The following SNTN variants were observed in gnomAD, a reference collection of about 807,000 sequenced individuals.
SNTN encodes sentan.
SNTN carries 13 observed loss-of-function variants against 12.3 expected under a neutral mutation model. The ratio of observed to expected loss-of-function variants is 1.05; its 90% CI spans 0.69 to 1.67. SNTN has a LOEUF of 1.67. Among genes scored for constraint, SNTN ranks in the 40% most tolerant of loss-of-function variants. The pLI is 0.00. For synonymous variants in SNTN, 69 were observed against 58.5 expected (o/e 1.18, Z -0.82); for missense variants, 189 against 169.8 (o/e 1.11, Z -0.63).
chr3:63,652,868 T>C, intron 1 of SNTN, 71 bp downstream of exon 1: 2 of 1,435,132 alleles, frequency 1.4e-6, no homozygotes, highest in South Asian at 2.4e-5. Flanking sequence ...AGAGTTTATG[T>C]CAACAGCTTT....
Position 63,659,757 on chromosome 3 carries a change from A to G in SNTN, c.178A>G (p.Ile60Val). 6.2e-7 allele frequency: 1 copy of G among 1,613,964 alleles called. No individual in the cohort carries two copies. Among genetic ancestry groups the G allele is most frequent in the Non-Finnish European group, 8.5e-7 (1 of 1,179,882 alleles). ...LRKCSDLEKA[I>V]ATTALIFRNS... Reference sequence around the variant, plus strand: ...GAAGTGCTCAGATCTGGAAAAAGCTATTGCCACCACTGCTCTGATTTTCAG... The same window carrying G: ...GAAGTGCTCAGATCTGGAAAAAGCTGTTGCCACCACTGCTCTGATTTTCAG... Residue 60 changes from isoleucine (I) to valine (V), a missense_variant, in exon 3 of 4, where the codon ATT becomes GTT. By Grantham distance (29) the Ile-to-Val change is conservative. Coordinates refer to ENST00000343837, the MANE Select transcript of SNTN (RefSeq NM_001080537.2).
At chr3:63,653,962 A>C (rs78653428) in intron 1 of SNTN, among the ~76,000 whole-genome samples, 1 of 152,170 alleles carries the variant, frequency 6.6e-6, no homozygotes, top group Non-Finnish European at 1.5e-5. Context: ...GATTTCTGCC[A>C]CATCAGGCCT....
Position 63,664,210 on chromosome 3 carries a change from G to T in SNTN, c.*115G>T. On this transcript the variant is annotated 3_prime_UTR_variant, in exon 4 of 4. Transcript: ENST00000343837. ...TCATGCATCTGAAATTGCCTAGGAT[G>T]GTTCTGATTGCTGGTATTCAGATCC... 1 of 1,016,068 alleles carries T rather than the reference G, an allele frequency of 9.8e-7. No individual in the cohort carries two copies. The allele number at this position is 1,016,068 out of a possible 1,614,324, so 62.9% of individuals were successfully genotyped here.
At chr3:63,655,010 AC>A (rs1700661114) in intron 2 of SNTN, among the ~76,000 whole-genome samples, 1 of 152,220 alleles carries the variant, frequency 6.6e-6, no homozygotes, top group African/African-American at 2.4e-5. Flanking sequence ...TTCATTAAAG[AC>A]AGAGCTGAGA....
intron 2 of SNTN, among the ~76,000 whole-genome samples, chr3:63,656,619 T>C (rs915682602): frequency 1.3e-5 from 2 of 152,232 alleles, no homozygotes; most frequent in Admixed American, 1.3e-4. Context: ...TTCTTTAAAG[T>C]GGCCATCTAT....
chr3:63,653,520 A>G (rs536029146), intron 1 of SNTN, among the ~76,000 whole-genome samples: 6 of 152,088 alleles, frequency 3.9e-5, no homozygotes, highest in Admixed American at 3.9e-4. Flanking sequence ...AAAATGAGGA[A>G]CCCCTAAAGA....
Sources: allele counts gnomAD v4.1 joint callset (sites outside exome capture counted in the v4.1 genomes callset), GRCh38; gene constraint gnomAD v4.1.1; transcripts MANE v1.5; gene names NCBI Gene and HGNC (gene_info 2026-07-23, HGNC 2026-07-21).